Variants in POC1B observed in about 807,000 individuals in gnomAD.
POC1B encodes POC1 centriolar protein homolog B.
A neutral mutation model predicts 60.6 loss-of-function variants in POC1B; 44 were observed. That is an observed-to-expected ratio of 0.73 (90% CI 0.57 to 0.93). The LOEUF (loss-of-function observed/expected upper bound fraction) is 0.93. POC1B is among the 40% of genes least tolerant of loss of function. The pLI is 0.00. For missense variants in POC1B, 555 were observed against 572.3 expected (o/e 0.97, Z 0.31); for synonymous variants, 180 against 198.9 (o/e 0.90, Z 0.80).
In POC1B at chr12:89,519,503, AG is replaced by A. The variant is rs370059373; in HGVS notation, c.100+5616del. On this transcript the variant is annotated intron_variant, in intron 2 of 11. Transcript: ENST00000313546. ...AAAAGTCAGAAACAACTCATCACAG[AG>A]GAAAAAAACATCATTCAGAAGAGAT... The A allele has an allele frequency of 4.8e-3, 726 of 152,664 alleles. 3 individuals carry two copies. Among genetic ancestry groups the A allele is most frequent in the African/African-American group, 0.016 (683 of 41,568 alleles). The allele number at this position is 152,664 out of a possible 1,614,324, so 9.5% of individuals were successfully genotyped here. A position where few individuals can be genotyped will look rare whatever the true frequency, so the allele number is the denominator to read the frequency against.
chr12:89,510,982 T>C (rs549702597), intron 2 of POC1B, among the ~76,000 whole-genome samples: 1 of 151,918 alleles, frequency 6.6e-6, no homozygotes, highest in Non-Finnish European at 1.5e-5. Flanking sequence ...CTCACACTCC[T>C]GGCCTCAGGT....
chr12:89,503,350 C>T (rs574965472), intron 2 of POC1B, among the ~76,000 whole-genome samples: 256 of 152,372 alleles, frequency 1.7e-3, no homozygotes, highest in African/African-American at 4.5e-3. Flanking sequence ...CTCCTAACCG[C>T]GAGTGATCTG....
downstream of POC1B, among the ~76,000 whole-genome samples, chr12:89,417,237 G>A (rs903775463): frequency 4.1e-4 from 63 of 152,228 alleles, no homozygotes; most frequent in African/African-American, 1.4e-3. Context: ...CAGCTCTAGC[G>A]CCCAGAGATC....
Position 89,466,814 on chromosome 12 carries a change from G to A in POC1B, c.988C>T (p.Pro330Ser). 1 of 1,612,558 alleles carries A rather than the reference G, an allele frequency of 6.2e-7. No homozygotes were observed. The part of the protein sequence containing the change: ...DSPPHLLDIY[P>S]RTPHPHEEKV... ...TCCTCATGGGGATGTGGTGTTCTTGGGTAGATATCAAGAAGATGTGGTGGT... is the reference window on the plus strand; with the variant it reads ...TCCTCATGGGGATGTGGTGTTCTTGAGTAGATATCAAGAAGATGTGGTGGT... The change falls in exon 9 of 12, where the codon CCA (proline) becomes TCA (serine). Residue 330 changes from proline to serine, a missense_variant. By Grantham distance (74) the Pro-to-Ser change is moderately conservative. Coordinates refer to ENST00000313546, the MANE Select transcript of POC1B (RefSeq NM_172240.3).
intron 2 of POC1B, chr12:89,501,921 T>C: frequency 8.9e-7 from 1 of 1,120,704 alleles, no homozygotes; most frequent in Non-Finnish European, 1.4e-6. Flanking sequence ...TCATTGGTCA[T>C]GATGAAATTT....
chr12:89,481,393 A>T (rs1022834785), intron 4 of POC1B, among the ~76,000 whole-genome samples: 1 of 152,206 alleles, frequency 6.6e-6, no homozygotes, highest in Non-Finnish European at 1.5e-5. Flanking sequence ...GAGACAGCAT[A>T]GGGTTACAAA....
At chr12:89,459,972 A>G (rs1047022553) in intron 9 of POC1B, 10 of 467,210 alleles carry the variant, frequency 2.1e-5, no homozygotes, top group Non-Finnish European at 2.3e-5. Context: ...AATCAATGTA[A>G]TTTACCTAAA....
intron 2 of POC1B, among the ~76,000 whole-genome samples, chr12:89,502,836 T>A (rs113087241): frequency 0.025 from 3,732 of 152,248 alleles, 69 homozygotes; most frequent in Non-Finnish European, 0.035. Flanking sequence ...ATACCTTATA[T>A]AATAAGTACT....
At chr12:89,518,952 G>A in intron 2 of POC1B, among the ~76,000 whole-genome samples, 1 of 152,190 alleles carries the variant, frequency 6.6e-6, no homozygotes, top group East Asian at 1.9e-4. Flanking sequence ...CAGGCAGTGT[G>A]TCTGGCCAAG....
At chr12:89,497,539 T>C (rs138132096) in intron 2 of POC1B, among the ~76,000 whole-genome samples, 197 bp from the exon 3 acceptor site, 1 of 152,366 alleles carries the variant, frequency 6.6e-6, no homozygotes, top group East Asian at 1.9e-4. Context: ...AGCTTGGCTG[T>C]GTCCTATGTA....
intron 2 of POC1B, among the ~76,000 whole-genome samples, chr12:89,514,402 CTTT>C (rs60679774): frequency 1.2e-4 from 8 of 67,094 alleles, no homozygotes; most frequent in African/African-American, 3.0e-4. Flanking sequence ...TCATGTATTT[CTTT>C]TTTTTTTTTT....
chr12:89,404,838 T>C, the POC1B span, among the ~76,000 whole-genome samples: 1 of 152,192 alleles, frequency 6.6e-6, no homozygotes, highest in Non-Finnish European at 1.5e-5. Flanking sequence ...CTTCTCTAAG[T>C]GTTCTCTTCT....
rs571898716 is a variant in POC1B at position 89,421,113 on chromosome 12, T to A, written c.*40A>T. 4.1e-6 allele frequency: 6 copies of A among 1,479,606 alleles called. No homozygotes were observed. In the Admixed American group the frequency reaches 7.4e-5, roughly 18 times the overall value. 91.7% of individuals were successfully genotyped at this position (1,479,606 alleles called of 1,614,324 possible). ...CTGAGTGTATGTACATTTGTTCATT[T>A]ATTGGGCCTCTGCCCAACAAATGAA... On this transcript the variant is annotated 3_prime_UTR_variant, in exon 12 of 12. Transcript: ENST00000313546.
At position 89,492,255 on chromosome 12, in the gene POC1B, G is replaced by T. The variant is rs1042758529; in HGVS notation, c.273-140C>A. On this transcript the variant is annotated intron_variant, in intron 3 of 11. Transcript: ENST00000313546. ...TGTAAAACCTAACAAAAGTATGAAA[G>T]GGCTATGTTGTACTGTACTCTTCGT... The T allele has an allele frequency of 1.1e-5, 7 of 660,964 alleles. No individual in the cohort carries two copies. The Admixed American group carries it at 1.5e-4, about 14-fold the overall frequency. The allele number at this position is 660,964 out of a possible 1,614,324, so 40.9% of individuals were successfully genotyped here.
At chr12:89,458,236 C>T (rs1355615990) in intron 10 of POC1B, among the ~76,000 whole-genome samples, 3 of 152,210 alleles carry the variant, frequency 2.0e-5, no homozygotes, top group Non-Finnish European at 4.4e-5. Context: ...GGGGGAAAAC[C>T]TAACTCATCA....
intron 2 of POC1B, among the ~76,000 whole-genome samples, chr12:89,512,037 G>C (rs112331025): frequency 0.025 from 3,741 of 152,288 alleles, 71 homozygotes; most frequent in Non-Finnish European, 0.036. Context: ...GTGGGTGACA[G>C]AGTAAGACTG....
At chr12:89,401,536 A>G in the POC1B span, among the ~76,000 whole-genome samples, 1 of 137,442 alleles carries the variant, frequency 7.3e-6, no homozygotes. Context: ...CTTCTTCTTT[A>G]GACTCACCCA....
At chr12:89,476,253 A>G (rs746793233) in intron 4 of POC1B, among the ~76,000 whole-genome samples, 2 of 152,244 alleles carry the variant, frequency 1.3e-5, no homozygotes, top group East Asian at 1.9e-4. Flanking sequence ...ACTGATTCAC[A>G]TGTCCTTGAA....
At chr12:89,438,226 G>C (rs1881358671) in intron 10 of POC1B, among the ~76,000 whole-genome samples, 1 of 152,138 alleles carries the variant, frequency 6.6e-6, no homozygotes, top group Admixed American at 6.5e-5. Flanking sequence ...GGGAGGCCGA[G>C]GCGGGCGGAT....
Sources: allele counts gnomAD v4.1 joint callset (sites outside exome capture counted in the v4.1 genomes callset), GRCh38; gene constraint gnomAD v4.1.1; transcripts MANE v1.5; gene names NCBI Gene and HGNC (gene_info 2026-07-23, HGNC 2026-07-21).